The following KPNA1 variants were observed in gnomAD, a reference collection of about 807,000 sequenced individuals.
The protein encoded by KPNA1 is karyopherin subunit alpha 1, also known as importin subunit alpha-5.
KPNA1 carries 10 observed loss-of-function variants against 70.5 expected under a neutral mutation model. That is an observed-to-expected ratio of 0.14 (90% CI 0.09 to 0.24). KPNA1 has a LOEUF of 0.24. Among genes scored for constraint, KPNA1 ranks in the 10% least tolerant of loss-of-function variants. KPNA1 has a pLI of 1.00. For missense variants in KPNA1, 397 were observed against 637.9 expected, an observed-to-expected ratio of 0.62 and a Z score of 4.07; for synonymous variants, 192 against 221.9, an observed-to-expected ratio of 0.87 and a Z score of 1.20.
chr3:122,465,560 A>T (rs560191372), intron 3 of KPNA1, among the ~76,000 whole-genome samples: 4 of 152,278 alleles, frequency 2.6e-5, no homozygotes, highest in Admixed American at 6.5e-5. Context: ...CCTGACTTGA[A>T]CCCTCCTAAG....
At chr3:122,453,192 A>G (rs925957370) in intron 6 of KPNA1, among the ~76,000 whole-genome samples, 6 of 152,124 alleles carry the variant, frequency 3.9e-5, no homozygotes, top group African/African-American at 1.4e-4. Context: ...CAAGCTGCCC[A>G]CTTCAGCCTC....
chr3:122,492,769 T>C (rs899572198), intron 2 of KPNA1, among the ~76,000 whole-genome samples: 3 of 152,214 alleles, frequency 2.0e-5, no homozygotes, highest in Admixed American at 1.3e-4. Context: ...AATTTTAACA[T>C]TGCTGGTCTA....
At chr3:122,474,791 A>G (rs1047860617) in intron 2 of KPNA1, among the ~76,000 whole-genome samples, 26 of 152,148 alleles carry the variant, frequency 1.7e-4, no homozygotes, top group African/African-American at 5.5e-4. Context: ...CAGAAAAAGC[A>G]TGAGACAAAT....
chr3:122,492,684 C>T (rs982288012), intron 2 of KPNA1, among the ~76,000 whole-genome samples: 6 of 152,154 alleles, frequency 3.9e-5, no homozygotes, highest in African/African-American at 1.4e-4. Flanking sequence ...CATAGCTCAA[C>T]CATTTTCAAA....
intron 6 of KPNA1, among the ~76,000 whole-genome samples, chr3:122,453,529 T>C (rs1403801037): frequency 1.3e-5 from 2 of 151,332 alleles, no homozygotes; most frequent in East Asian, 3.9e-4. Flanking sequence ...TTTGTTTTTC[T>C]TTTTTTGTTT....
chr3:122,506,325 CAAGA>C (rs1008478116), intron 1 of KPNA1, among the ~76,000 whole-genome samples: 3 of 152,014 alleles, frequency 2.0e-5, no homozygotes, highest in African/African-American at 7.2e-5. Context: ...ACCAAAACTA[CAAGA>C]AAGTATGACT....
chr3:122,464,910 C>T (rs2076363519), intron 3 of KPNA1, among the ~76,000 whole-genome samples: 1 of 152,148 alleles, frequency 6.6e-6, no homozygotes. Flanking sequence ...GAATATATGA[C>T]GCATTCTACT....
At chr3:122,473,335 C>T (rs2076463899) in intron 2 of KPNA1, among the ~76,000 whole-genome samples, 1 of 152,192 alleles carries the variant, frequency 6.6e-6, no homozygotes, top group African/African-American at 2.4e-5. Flanking sequence ...CCATCTCCTA[C>T]ACAAGATAGA....
intron 2 of KPNA1, among the ~76,000 whole-genome samples, chr3:122,482,074 G>A (rs1394649189): frequency 6.6e-6 from 1 of 152,258 alleles, no homozygotes; most frequent in Non-Finnish European, 1.5e-5. Context: ...ACAAGAGTCT[G>A]AGAAATACAT....
chr3:122,459,967 C>T, intron 5 of KPNA1: 1 of 985,430 alleles, frequency 1.0e-6, no homozygotes, highest in African/African-American at 1.7e-5. Flanking sequence ...AAAAATGCCC[C>T]AGTGTCTACA....
chr3:122,454,065 GT>G (rs1245745092), intron 5 of KPNA1, 64 bp from the exon 6 acceptor site: 4 of 1,153,714 alleles, frequency 3.5e-6, no homozygotes, highest in Non-Finnish European at 4.8e-6. Context: ...ACTTATAACA[GT>G]AACATTTTCT....
At chr3:122,472,433 G>T (rs2076452772) in intron 2 of KPNA1, among the ~76,000 whole-genome samples, 1 of 152,102 alleles carries the variant, frequency 6.6e-6, no homozygotes, top group African/African-American at 2.4e-5. Flanking sequence ...GGGATGACGT[G>T]AAAGCAGTGC....
At chr3:122,495,691 C>T (rs1306568696) in intron 2 of KPNA1, among the ~76,000 whole-genome samples, 1 of 106,504 alleles carries the variant, frequency 9.4e-6, no homozygotes, top group Non-Finnish European at 1.7e-5. Context: ...TAGTGAGGGT[C>T]AAATGGTCCT....
intron 1 of KPNA1, among the ~76,000 whole-genome samples, chr3:122,513,649 A>C (rs13059402): frequency 0.23 from 35,489 of 152,078 alleles, 5,110 homozygotes; most frequent in Admixed American, 0.34. Context: ...TAAGAAAAAA[A>C]AAAACAAAAC....
At chr3:122,444,065 T>C (rs2076101616) in intron 9 of KPNA1, among the ~76,000 whole-genome samples, 1 of 152,182 alleles carries the variant, frequency 6.6e-6, no homozygotes, top group Non-Finnish European at 1.5e-5. Context: ...AGAGCGGCCA[T>C]TTTAGAGGCC....
chr3:122,477,519 G>A (rs1157954588), intron 2 of KPNA1, among the ~76,000 whole-genome samples: 4 of 152,112 alleles, frequency 2.6e-5, no homozygotes, highest in Non-Finnish European at 5.9e-5. Flanking sequence ...GGGCAACACA[G>A]CAAGACCCTG....
intron 1 of KPNA1, among the ~76,000 whole-genome samples, chr3:122,502,876 G>A (rs1390602734): frequency 6.6e-6 from 1 of 152,100 alleles, no homozygotes; most frequent in Admixed American, 6.6e-5. Context: ...CCAGCACTTT[G>A]GGAGGCCAAG....
intron 1 of KPNA1, among the ~76,000 whole-genome samples, chr3:122,507,822 A>G (rs1224589000): frequency 6.6e-6 from 1 of 152,146 alleles, no homozygotes; most frequent in Non-Finnish European, 1.5e-5. Flanking sequence ...CAGTAGTAAA[A>G]AAATTTTTAA....
chr3:122,494,608 A>T (rs76619950), intron 2 of KPNA1, among the ~76,000 whole-genome samples: 170 of 152,278 alleles, frequency 1.1e-3, no homozygotes, highest in African/African-American at 3.8e-3. Flanking sequence ...GGCTTTGGCA[A>T]TTGGGGCTCT....
Sources: gnomAD v4.1 joint callset for allele counts (sites outside exome capture counted in the v4.1 genomes callset) on GRCh38, gnomAD v4.1.1 for gene constraint, MANE v1.5 for transcripts, NCBI Gene and HGNC (gene_info 2026-07-23, HGNC 2026-07-21) for gene names.